The following HLCS variants were observed in gnomAD, a reference collection of about 807,000 sequenced individuals.
HLCS encodes the protein biotin--protein ligase.
HLCS carries 53 observed loss-of-function variants against 75.0 expected under a neutral mutation model. The observed-to-expected ratio is 0.71, with a 90% CI of 0.57 to 0.89. The LOEUF is 0.89. Among genes scored for constraint, HLCS ranks in the 40% least tolerant of loss-of-function variants. The probability of loss-of-function intolerance (pLI) is 0.00; values close to 1 mark genes in which losing one functional copy is unlikely to be tolerated. For synonymous variants in HLCS, 431 were observed against 428.6 expected, an observed-to-expected ratio of 1.01 and a Z score of -0.07; for missense variants, 966 against 1,074.0, an observed-to-expected ratio of 0.90 and a Z score of 1.41.
chr21:36,831,707 A>G (rs148988805), intron 6 of HLCS, among the ~76,000 whole-genome samples: 10 of 152,296 alleles, frequency 6.6e-5, no homozygotes, highest in South Asian at 4.1e-4. Flanking sequence ...AATCAAAATA[A>G]AGTTATTGTA....
At chr21:36,922,243 T>C (rs1250803314) in intron 5 of HLCS, among the ~76,000 whole-genome samples, 2 of 152,120 alleles carry the variant, frequency 1.3e-5, no homozygotes, top group African/African-American at 4.8e-5. Context: ...TAGAAAAAAA[T>C]ATTTATTTTA....
Position 36,751,903 on chromosome 21 carries a change from T to C in HLCS, c.*2343A>G, listed in dbSNP as rs1378715297. The C allele has an allele frequency of 6.6e-6, 1 of 152,230 alleles. No individual in the cohort carries two copies. The highest frequency in any genetic ancestry group is 2.4e-5 in the African/African-American group (1 of 41,446). 9.4% of individuals were successfully genotyped at this position (152,230 alleles called of 1,614,324 possible). On this transcript the variant is annotated 3_prime_UTR_variant, in exon 11 of 11. Coordinates refer to ENST00000674895, the MANE Select transcript of HLCS (RefSeq NM_001352514.2). ...AAGCACACGCCAATCCTGAGTTTAG[T>C]GACCACATTTTAAAGATCATCAGGA...
chr21:36,768,151 T>A (rs1438583619), intron 6 of HLCS, among the ~76,000 whole-genome samples: 2 of 152,220 alleles, frequency 1.3e-5, no homozygotes, highest in African/African-American at 4.8e-5. Flanking sequence ...GTAGGATTCA[T>A]CAACAGAGCA....
intron 6 of HLCS, among the ~76,000 whole-genome samples, chr21:36,792,937 A>G (rs906075776): frequency 3.9e-5 from 6 of 152,120 alleles, no homozygotes; most frequent in Non-Finnish European, 7.4e-5. Flanking sequence ...TCTAGACCTT[A>G]ACTCTGCCCA....
chr21:36,854,153 A>C (rs1476932752), intron 6 of HLCS, among the ~76,000 whole-genome samples: 1 of 152,226 alleles, frequency 6.6e-6, no homozygotes. Context: ...GACTCTTTGA[A>C]CGTCAATATT....
At chr21:36,837,734 C>A (rs148638922) in intron 6 of HLCS, among the ~76,000 whole-genome samples, 2,957 of 152,198 alleles carry the variant, frequency 0.019, 36 homozygotes, top group Non-Finnish European at 0.032. Flanking sequence ...GGGAAATTTG[C>A]AAGTCGGCTG....
intron 6 of HLCS, among the ~76,000 whole-genome samples, chr21:36,855,746 T>A (rs936963238): frequency 2.7e-5 from 4 of 147,142 alleles, no homozygotes; most frequent in East Asian, 1.9e-4. Context: ...CTGGCTAATT[T>A]TTGTATTTTT....
At chr21:36,873,568 C>A (rs1421397774) in intron 6 of HLCS, among the ~76,000 whole-genome samples, 1 of 152,172 alleles carries the variant, frequency 6.6e-6, no homozygotes, top group Non-Finnish European at 1.5e-5. Context: ...AATATTAACT[C>A]CCAGTGTGTG....
At position 36,751,829 on chromosome 21, in the gene HLCS, C is replaced by G. The variant is rs1383425476; in HGVS notation, c.*2417G>C. The stretch of plus-strand genomic sequence containing the variant: ...TATCTTGCCTTTTACAAAATACGGT[C>G]GATACTCAATGCACAGCCTCTAAAA... On this transcript the variant is annotated 3_prime_UTR_variant, in exon 11 of 11. Transcript: ENST00000674895. The G allele has an allele frequency of 6.6e-6, 1 of 152,116 alleles. No individual in the cohort carries two copies. Among genetic ancestry groups the G allele is most frequent in the Admixed American group, 6.5e-5 (1 of 15,278 alleles). 9.4% of individuals were successfully genotyped at this position (152,116 alleles called of 1,614,324 possible). A position where few individuals can be genotyped will look rare whatever the true frequency, so the allele number is the denominator to read the frequency against.
intron 6 of HLCS, among the ~76,000 whole-genome samples, chr21:36,788,248 C>T (rs2060752144): frequency 6.6e-6 from 1 of 152,212 alleles, no homozygotes; most frequent in South Asian, 2.1e-4. Flanking sequence ...CTGATGGGCA[C>T]ACCTCACTCC....
chr21:36,764,499 T>A (rs949081344), intron 8 of HLCS, among the ~76,000 whole-genome samples: 3 of 151,940 alleles, frequency 2.0e-5, no homozygotes, highest in African/African-American at 7.3e-5. Flanking sequence ...AGCTCAGGAC[T>A]TCAAGACCAG....
rs186162742 is a variant in HLCS at position 36,859,904 on chromosome 21, A to G, written c.1892+36956T>C. 3.3e-5 allele frequency among the ~76,000 whole-genome samples: 5 copies of G among 152,338 alleles called. No individual in the cohort carries two copies. In the East Asian group the frequency reaches 9.7e-4, roughly 29 times the overall value. On this transcript the variant is annotated intron_variant, in intron 6 of 10. Transcript: ENST00000674895. ...GGAAGAAGACGGTTTCGCAATAATC[A>G]ATTACACCACTGGAGGCTCCTGGCT...
At chr21:36,858,799 A>C (rs2063287973) in intron 6 of HLCS, among the ~76,000 whole-genome samples, 5 of 152,172 alleles carry the variant, frequency 3.3e-5, no homozygotes, top group Admixed American at 3.3e-4. Context: ...AGTGCCTTCC[A>C]GGTGAAGAGG....
At chr21:36,781,911 G>T (rs79448421) in intron 6 of HLCS, among the ~76,000 whole-genome samples, 2,400 of 152,096 alleles carry the variant, frequency 0.016, 76 homozygotes, top group African/African-American at 0.055. Flanking sequence ...ATTTTATAAA[G>T]TGTTTTCTCA....
At chr21:36,826,631 A>G (rs1301217734) in intron 6 of HLCS, among the ~76,000 whole-genome samples, 1 of 152,244 alleles carries the variant, frequency 6.6e-6, no homozygotes, top group African/African-American at 2.4e-5. Context: ...CAGGGTAAAT[A>G]GTAACATTCT....
intron 6 of HLCS, among the ~76,000 whole-genome samples, chr21:36,843,468 CAAAG>C (rs1168531822): frequency 9.9e-5 from 5 of 50,438 alleles, no homozygotes; most frequent in African/African-American, 4.2e-4. Context: ...AAAAAAGAAA[CAAAG>C]AAAGAAAAAG....
intron 2 of HLCS, among the ~76,000 whole-genome samples, chr21:36,950,756 T>C (rs148148425): frequency 1.4e-4 from 22 of 152,298 alleles, no homozygotes; most frequent in Non-Finnish European, 2.9e-4. Flanking sequence ...TTGACAGTTA[T>C]ATCATCCTTA....
intron 2 of HLCS, among the ~76,000 whole-genome samples, chr21:36,950,492 G>T (rs7277523): frequency 0.56 from 84,936 of 151,212 alleles, 24,100 homozygotes; most frequent in East Asian, 0.64. Context: ...AGGAAGACAG[G>T]GTCTCACAGC....
intron 6 of HLCS, among the ~76,000 whole-genome samples, chr21:36,887,542 A>G (rs2064523773): frequency 6.6e-6 from 1 of 152,234 alleles, no homozygotes; most frequent in Non-Finnish European, 1.5e-5. Context: ...GTGAAAGGTT[A>G]ACTTATTCAG....
Sources: gnomAD v4.1 joint callset for allele counts (sites outside exome capture counted in the v4.1 genomes callset) on GRCh38, gnomAD v4.1.1 for gene constraint, MANE v1.5 for transcripts, NCBI Gene and HGNC (gene_info 2026-07-23, HGNC 2026-07-21) for gene names.